CNTN4: variants seen among roughly 807,000 people sequenced by gnomAD.
CNTN4 encodes the protein contactin 4.
Under a neutral mutation model 122.5 loss-of-function variants are expected in CNTN4, and 77 were observed. The observed-to-expected ratio is 0.63, with a 90% CI of 0.52 to 0.76. CNTN4 has a LOEUF of 0.76. CNTN4 is among the 30% of genes least tolerant of loss of function. The pLI is 0.00. For synonymous variants in CNTN4, 512 were observed against 447.0 expected (o/e 1.15, Z -1.83); for missense variants, 1,256 against 1,259.1 (o/e 1.00, Z 0.04).
chr3:2,648,995 A>T (rs568223129), intron 4 of CNTN4, among the ~76,000 whole-genome samples: 1 of 152,310 alleles, frequency 6.6e-6, no homozygotes, highest in South Asian at 2.1e-4. Context: ...TCTTAAGCGA[A>T]AGCCTAATCC....
intron 13 of CNTN4, among the ~76,000 whole-genome samples, chr3:2,958,610 G>C (rs962333394): frequency 6.6e-6 from 1 of 152,128 alleles, no homozygotes; most frequent in African/African-American, 2.4e-5. Context: ...CAAAATGTAA[G>C]CATTATAATA....
At chr3:2,479,555 A>T (rs2075928436) in intron 3 of CNTN4, among the ~76,000 whole-genome samples, 1 of 152,206 alleles carries the variant, frequency 6.6e-6, no homozygotes, top group Non-Finnish European at 1.5e-5. Flanking sequence ...AAGGGGGATA[A>T]TGAAACTTAC....
intron 4 of CNTN4, among the ~76,000 whole-genome samples, chr3:2,635,179 G>C (rs1439638364): frequency 1.3e-5 from 2 of 152,046 alleles, no homozygotes; most frequent in African/African-American, 4.8e-5. Flanking sequence ...CTGGATAACT[G>C]TTAAAATTCC....
At chr3:2,603,735 TCTATCTA>T (rs1559293636) in intron 4 of CNTN4, among the ~76,000 whole-genome samples, 2 of 152,174 alleles carry the variant, frequency 1.3e-5, no homozygotes, top group Admixed American at 1.3e-4. Context: ...TCAACAAAGC[TCTATCTA>T]CTGTCATGGG....
chr3:2,422,220 C>T (rs896924583), intron 3 of CNTN4, among the ~76,000 whole-genome samples: 9 of 152,164 alleles, frequency 5.9e-5, no homozygotes, highest in African/African-American at 1.9e-4. Context: ...TGTGTTATCC[C>T]CTGCTCCTTA....
chr3:2,670,879 C>T (rs2150373501), intron 4 of CNTN4, among the ~76,000 whole-genome samples: 1 of 152,284 alleles, frequency 6.6e-6, no homozygotes, highest in Non-Finnish European at 1.5e-5. Flanking sequence ...ATATGAAATT[C>T]TGGTTTGAAA....
intron 3 of CNTN4, among the ~76,000 whole-genome samples, chr3:2,459,206 C>T (rs946276475): frequency 1.3e-5 from 2 of 152,110 alleles, no homozygotes; most frequent in African/African-American, 4.8e-5. Context: ...GGAAGATCTT[C>T]AATGGGGAAT....
intron 12 of CNTN4, among the ~76,000 whole-genome samples, chr3:2,907,284 A>G (rs529887522): frequency 1.3e-5 from 2 of 152,202 alleles, no homozygotes; most frequent in Non-Finnish European, 2.9e-5. Context: ...TGTTAAGATT[A>G]TCTCTTGGCC....
At chr3:2,711,794 T>TATAA (rs984901682) in intron 4 of CNTN4, among the ~76,000 whole-genome samples, 3 of 152,160 alleles carry the variant, frequency 2.0e-5, no homozygotes, top group Non-Finnish European at 4.4e-5. Context: ...TCAGGGAGAA[T>TATAA]ATAAATTCCA....
At chr3:2,799,411 C>A (rs890059250) in intron 6 of CNTN4, among the ~76,000 whole-genome samples, 3 of 152,210 alleles carry the variant, frequency 2.0e-5, no homozygotes, top group Middle Eastern at 6.8e-3. Context: ...TTTGCATAGG[C>A]CAATGTCCTC....
At chr3:2,525,983 A>G (rs1468231740) in intron 3 of CNTN4, among the ~76,000 whole-genome samples, 1 of 152,160 alleles carries the variant, frequency 6.6e-6, no homozygotes, top group Non-Finnish European at 1.5e-5. Context: ...GTTTCTTATC[A>G]CACATCTTAC....
intron 2 of CNTN4, among the ~76,000 whole-genome samples, chr3:2,336,091 CAT>C (rs1436840941): frequency 2.0e-5 from 3 of 152,102 alleles, no homozygotes; most frequent in South Asian, 2.1e-4. Flanking sequence ...ATGCTAAAGA[CAT>C]GTGCTGAGTG....
At chr3:2,623,826 G>C (rs2082080381) in intron 4 of CNTN4, among the ~76,000 whole-genome samples, 1 of 152,210 alleles carries the variant, frequency 6.6e-6, no homozygotes, top group Admixed American at 6.5e-5. Context: ...TCAAAAGGAA[G>C]TGAGTTTGGA....
chr3:2,280,756 A>G (rs149285050), intron 2 of CNTN4, among the ~76,000 whole-genome samples: 1 of 152,294 alleles, frequency 6.6e-6, no homozygotes, highest in Non-Finnish European at 1.5e-5. Context: ...GAAGTTTTGT[A>G]CCTATAGCTC....
At chr3:2,736,673 G>A (rs1294700929) in intron 5 of CNTN4, among the ~76,000 whole-genome samples, 1 of 151,742 alleles carries the variant, frequency 6.6e-6, no homozygotes, top group Non-Finnish European at 1.5e-5. Flanking sequence ...GTGTTGGTCA[G>A]GCTGGTCTTG....
At chr3:2,167,846 A>G (rs1322579949) in intron 2 of CNTN4, among the ~76,000 whole-genome samples, 1 of 152,180 alleles carries the variant, frequency 6.6e-6, no homozygotes, top group Non-Finnish European at 1.5e-5. Context: ...TGGTTTGAAT[A>G]TTACAGTTCA....
chr3:2,371,646 C>T (rs553051960), intron 3 of CNTN4, among the ~76,000 whole-genome samples: 46 of 152,212 alleles, frequency 3.0e-4, no homozygotes, highest in Middle Eastern at 3.4e-3. Context: ...TTTGTTCCTC[C>T]GCTAGATTCG....
At chr3:2,185,220 C>A (rs1261705031) in intron 2 of CNTN4, among the ~76,000 whole-genome samples, 1 of 152,148 alleles carries the variant, frequency 6.6e-6, no homozygotes, top group African/African-American at 2.4e-5. Context: ...CTCATCCATT[C>A]TCTGAATTTA....
At chr3:2,767,244 C>T (rs912130967) in intron 6 of CNTN4, among the ~76,000 whole-genome samples, 2 of 152,122 alleles carry the variant, frequency 1.3e-5, no homozygotes, top group South Asian at 2.1e-4. Context: ...AATGTGCTTT[C>T]CTTTTGGAAG....
Sources: allele counts gnomAD v4.1 joint callset (sites outside exome capture counted in the v4.1 genomes callset), GRCh38; gene constraint gnomAD v4.1.1; transcripts MANE v1.5; gene names NCBI Gene and HGNC (gene_info 2026-07-23, HGNC 2026-07-21).